Variants in CYB5R4 observed in about 807,000 individuals in gnomAD.
The protein encoded by CYB5R4 is cytochrome b5 reductase 4, also known as N-terminal cytochrome b5 and cytochrome b5 oxidoreductase domain-containing protein.
A neutral mutation model predicts 70.2 loss-of-function variants in CYB5R4; 55 were observed. The observed-to-expected ratio is 0.78, with a 90% CI of 0.63 to 0.98. The LOEUF (loss-of-function observed/expected upper bound fraction) is 0.98. Ranked by LOEUF, CYB5R4 falls within the 50% of genes least tolerant of loss-of-function variation. The probability of loss-of-function intolerance (pLI) is 0.00; values close to 1 mark genes in which losing one functional copy is unlikely to be tolerated. For synonymous variants in CYB5R4, 197 were observed against 199.5 expected (o/e 0.99, Z 0.11); for missense variants, 562 against 612.6 (o/e 0.92, Z 0.87).
chr6:83,953,157 C>T (rs1197339435), intron 14 of CYB5R4, among the ~76,000 whole-genome samples: 1 of 152,082 alleles, frequency 6.6e-6, no homozygotes, highest in Non-Finnish European at 1.5e-5. Flanking sequence ...CAGTATATGC[C>T]TTCCTGAAGA....
At chr6:83,877,005 A>G (rs1356512275) in intron 2 of CYB5R4, among the ~76,000 whole-genome samples, 1 of 151,862 alleles carries the variant, frequency 6.6e-6, no homozygotes, top group African/African-American at 2.4e-5. Context: ...CTAATTTTTT[A>G]TATTTTTAGT....
chr6:83,874,886 G>A (rs1374943183), intron 2 of CYB5R4, among the ~76,000 whole-genome samples: 4 of 151,390 alleles, frequency 2.6e-5, no homozygotes, highest in Non-Finnish European at 5.9e-5. Flanking sequence ...GCAGTGGCGC[G>A]ATCTTGGCTC....
At chr6:83,899,575 G>T (rs1396204897) in intron 3 of CYB5R4, among the ~76,000 whole-genome samples, 1 of 152,258 alleles carries the variant, frequency 6.6e-6, no homozygotes, top group East Asian at 1.9e-4. Context: ...GTAGAATTCG[G>T]CTGTGAATCC....
At chr6:83,941,113 A>T (rs899801996) in intron 14 of CYB5R4, among the ~76,000 whole-genome samples, 1 of 152,168 alleles carries the variant, frequency 6.6e-6, no homozygotes, top group African/African-American at 2.4e-5. Flanking sequence ...TCGCTCTTTC[A>T]CTAGTGATCC....
At chr6:83,909,128 G>A in intron 4 of CYB5R4, 38 bp downstream of exon 4, 1 of 1,538,930 alleles carries the variant, frequency 6.5e-7, no homozygotes, top group Non-Finnish European at 9.0e-7. Context: ...TGGATGTGTG[G>A]TGCACATGTA....
intron 12 of CYB5R4, among the ~76,000 whole-genome samples, chr6:83,938,555 A>G (rs976570826): frequency 1.3e-5 from 2 of 152,198 alleles, no homozygotes; most frequent in African/African-American, 4.8e-5. Flanking sequence ...CCTCAATGGG[A>G]CATGTAATGT....
intron 2 of CYB5R4, among the ~76,000 whole-genome samples, chr6:83,893,031 C>T (rs2099461369): frequency 6.6e-6 from 1 of 152,054 alleles, no homozygotes; most frequent in Non-Finnish European, 1.5e-5. Context: ...TTAGTGTCTC[C>T]CTCTAGAAGA....
chr6:83,931,551 A>G (rs1285427059), intron 10 of CYB5R4, among the ~76,000 whole-genome samples: 2 of 152,150 alleles, frequency 1.3e-5, no homozygotes, highest in Non-Finnish European at 2.9e-5. Context: ...TATTATCCTC[A>G]GTATTTCACC....
At chr6:83,893,739 A>G in intron 3 of CYB5R4, 117 bp downstream of exon 3, 1 of 577,586 alleles carries the variant, frequency 1.7e-6, no homozygotes, top group Non-Finnish European at 3.0e-6. Flanking sequence ...ATTGGCTTGA[A>G]TTTTGAAGTG....
chr6:83,931,611 T>TTAGG lies in CYB5R4; in HGVS notation c.815-2981_815-2978dup, dbSNP rs1213118014. Among the ~76,000 whole-genome samples, 3 of 152,072 alleles carry TTAGG rather than the reference T, an allele frequency of 2.0e-5. No individual in the cohort carries two copies. The East Asian group carries it at 5.8e-4, about 29-fold the overall frequency. On this transcript the variant is annotated intron_variant, in intron 10 of 15. Transcript: ENST00000369681. ...ATTGTATGTATTTAATTCAAATAAG[T>TTAGG]TAGGTATTTGGGGCAGTAATGTTTC... is the stretch of plus-strand genomic sequence containing the variant.
At chr6:83,885,351 C>G (rs887334620) in intron 2 of CYB5R4, among the ~76,000 whole-genome samples, 1 of 152,118 alleles carries the variant, frequency 6.6e-6, no homozygotes, top group East Asian at 1.9e-4. Context: ...TGACCTTGAG[C>G]CACCAAAAAG....
chr6:83,870,971 C>CT (rs759131653), intron 2 of CYB5R4, among the ~76,000 whole-genome samples: 3,366 of 88,602 alleles, frequency 0.038, 165 homozygotes, highest in African/African-American at 0.049. Flanking sequence ...TCATTGTTTG[C>CT]TTTTTTTTTT....
rs2099474134 is a variant in CYB5R4 at position 83,966,685 on chromosome 6, C to T, written c.*6807C>T. On this transcript the variant is annotated 3_prime_UTR_variant, in exon 16 of 16. Coordinates refer to ENST00000369681, the MANE Select transcript of CYB5R4 (RefSeq NM_016230.4). The stretch of plus-strand genomic sequence containing the variant: ...CAGCCTGGGCAACAAGAGTGAAACT[C>T]CATCTCAAAAAATAAAACAAATAAA... The T allele has an allele frequency of 6.6e-6, 1 of 152,026 alleles. No individual in the cohort carries two copies. Among genetic ancestry groups the T allele is most frequent in the Non-Finnish European group, 1.5e-5 (1 of 68,036 alleles). The allele number at this position is 152,026 out of a possible 1,614,324, so 9.4% of individuals were successfully genotyped here.
In CYB5R4 at chr6:83,963,418, G is replaced by A. The variant is rs1297010412; in HGVS notation, c.*3540G>A. 1.3e-5 allele frequency: 2 copies of A among 152,094 alleles called. No individual in the cohort carries two copies. The highest frequency in any genetic ancestry group is 2.4e-5 in the African/African-American group (1 of 41,414). 9.4% of individuals were successfully genotyped at this position (152,094 alleles called of 1,614,324 possible). A position where few individuals can be genotyped will look rare whatever the true frequency, so the allele number is the denominator to read the frequency against. Reference sequence around the variant, plus strand: ...TTGTCCTGAACGAGGTTGGGGCTGAGTCTGTTGATAACAGACCCCCATTTT... The same window carrying A: ...TTGTCCTGAACGAGGTTGGGGCTGAATCTGTTGATAACAGACCCCCATTTT... On this transcript the variant is annotated 3_prime_UTR_variant, in exon 16 of 16. Coordinates refer to ENST00000369681, the MANE Select transcript of CYB5R4 (RefSeq NM_016230.4).
chr6:83,961,976 G>A lies in CYB5R4; in HGVS notation c.*2098G>A, dbSNP rs1380931046. 6.6e-6 allele frequency: 1 copy of A among 151,728 alleles called. No individual in the cohort carries two copies. Among genetic ancestry groups the A allele is most frequent in the East Asian group, 1.9e-4 (1 of 5,174 alleles). 9.4% of individuals were successfully genotyped at this position (151,728 alleles called of 1,614,324 possible). ...TATATTTTAAAACAAATCCATAAGT[G>A]TCTCCTGGGTAATCTCCACTGACAT... On this transcript the variant is annotated 3_prime_UTR_variant, in exon 16 of 16. Transcript: ENST00000369681.
chr6:83,959,861 C>T lies in CYB5R4; in HGVS notation c.1549C>T (p.His517Tyr). 1 of 1,598,736 alleles carries T rather than the reference C, an allele frequency of 6.3e-7. No individual in the cohort carries two copies. Among genetic ancestry groups the T allele is most frequent in the Non-Finnish European group, 8.5e-7 (1 of 1,173,670 alleles). The change falls in exon 16 of 16, where the codon CAT (histidine) becomes TAT (tyrosine). Residue 517 changes from histidine (H) to tyrosine (Y), a missense_variant. His to Tyr is a moderately conservative substitution (Grantham distance 83). Coordinates refer to ENST00000369681, the MANE Select transcript of CYB5R4 (RefSeq NM_016230.4). Reference sequence around the variant, plus strand: ...TCTCAACTTTTCCAAAAATGAGATCCATAGTTTTACAGCATAATGAAGAGC... The same window carrying T: ...TCTCAACTTTTCCAAAAATGAGATCTATAGTTTTACAGCATAATGAAGAGC... ...HDLNFSKNEI[H>Y]SFTA
intron 1 of CYB5R4, among the ~76,000 whole-genome samples, chr6:83,861,605 T>C (rs922868011): frequency 1.3e-5 from 2 of 152,182 alleles, no homozygotes; most frequent in African/African-American, 2.4e-5. Flanking sequence ...GTTAGGTTAA[T>C]TGGTGTGTCT....
chr6:83,882,165 G>A (rs1485836879), intron 2 of CYB5R4, among the ~76,000 whole-genome samples: 1 of 152,192 alleles, frequency 6.6e-6, no homozygotes, highest in African/African-American at 2.4e-5. Context: ...GGATGTCACT[G>A]TGTGAGTTTC....
At chr6:83,917,048 G>A (rs2099465630) in intron 5 of CYB5R4, among the ~76,000 whole-genome samples, 1 of 152,082 alleles carries the variant, frequency 6.6e-6, no homozygotes, top group Admixed American at 6.5e-5. Flanking sequence ...TTGTAGGGGG[G>A]AAACACTTAA....
Sources: allele counts gnomAD v4.1 joint callset (sites outside exome capture counted in the v4.1 genomes callset), GRCh38; gene constraint gnomAD v4.1.1; transcripts MANE v1.5; gene names NCBI Gene and HGNC (gene_info 2026-07-23, HGNC 2026-07-21).